Variants in PTPRN2 observed in about 807,000 individuals in gnomAD.
PTPRN2 encodes receptor-type tyrosine-protein phosphatase N2.
In PTPRN2, 74 loss-of-function variants were observed where a neutral mutation model predicts 118.8. That is an observed-to-expected ratio of 0.62 (90% confidence interval 0.52 to 0.76). The LOEUF (loss-of-function observed/expected upper bound fraction) is 0.76. PTPRN2 is among the 30% of genes least tolerant of loss of function. The probability of loss-of-function intolerance (pLI) is 0.00; values close to 1 mark genes in which losing one functional copy is unlikely to be tolerated. For synonymous variants in PTPRN2, 641 were observed against 608.0 expected (o/e 1.05, Z -0.80); for missense variants, 1,481 against 1,394.4 (o/e 1.06, Z -0.99).
At chr7:157,848,150 G>A (rs1809007059) in intron 12 of PTPRN2, among the ~76,000 whole-genome samples, 1 of 147,402 alleles carries the variant, frequency 6.8e-6, no homozygotes, top group Admixed American at 6.7e-5. Flanking sequence ...TGTTTACAGA[G>A]CCCTCTCTCA....
At chr7:157,687,466 T>C (rs1797254418) in intron 12 of PTPRN2, among the ~76,000 whole-genome samples, 1 of 152,238 alleles carries the variant, frequency 6.6e-6, no homozygotes, top group African/African-American at 2.4e-5. Context: ...GGGATACAGG[T>C]GCTCGGTGCC....
At chr7:158,550,874 C>T (rs1049247084) in intron 1 of PTPRN2, among the ~76,000 whole-genome samples, 7 of 152,292 alleles carry the variant, frequency 4.6e-5, no homozygotes, top group African/African-American at 1.2e-4. Context: ...CTCCATCAGG[C>T]GGCCGTCGCG....
intron 4 of PTPRN2, among the ~76,000 whole-genome samples, chr7:158,192,812 T>C (rs1266630325): frequency 6.6e-6 from 1 of 152,158 alleles, no homozygotes; most frequent in Admixed American, 6.5e-5. Context: ...GCTGCAGGTG[T>C]TGGCTGCAGG....
intron 11 of PTPRN2, among the ~76,000 whole-genome samples, chr7:157,909,630 C>T (rs538812143): frequency 7.7e-4 from 118 of 152,362 alleles, no homozygotes; most frequent in Non-Finnish European, 1.3e-3. Context: ...CTGTTTGTTC[C>T]TGACCCTCAA....
intron 1 of PTPRN2, among the ~76,000 whole-genome samples, chr7:158,562,868 A>G (rs73730443): frequency 0.016 from 2,400 of 152,346 alleles, 78 homozygotes; most frequent in African/African-American, 0.055. Context: ...GACAATGTGA[A>G]TTAACTAAAC....
chr7:158,209,071 G>A (rs926986606), intron 3 of PTPRN2, among the ~76,000 whole-genome samples: 3 of 150,918 alleles, frequency 2.0e-5, no homozygotes, highest in African/African-American at 7.3e-5. Context: ...AAAGTAAAAA[G>A]CTAGAAATTA....
At chr7:157,751,006 G>A (rs147114802) in intron 12 of PTPRN2, among the ~76,000 whole-genome samples, 3 of 152,350 alleles carry the variant, frequency 2.0e-5, no homozygotes, top group African/African-American at 4.8e-5. Flanking sequence ...CTACTCGACC[G>A]TGGGCTCTAA....
At chr7:158,407,764 G>A (rs1037355421) in intron 2 of PTPRN2, among the ~76,000 whole-genome samples, 2 of 152,166 alleles carry the variant, frequency 1.3e-5, no homozygotes, top group East Asian at 1.9e-4. Flanking sequence ...AGCAGAGCCC[G>A]GCTGCAGCCC....
intron 11 of PTPRN2, among the ~76,000 whole-genome samples, chr7:157,922,524 CAA>C (rs1239392328): frequency 6.6e-6 from 1 of 152,190 alleles, no homozygotes; most frequent in Non-Finnish European, 1.5e-5. Context: ...GGATGGAAAA[CAA>C]GAGCAAACTT....
chr7:157,864,565 G>A (rs1189362493), intron 12 of PTPRN2: 5 of 152,408 alleles, frequency 3.3e-5, no homozygotes, highest in African/African-American at 1.2e-4. Context: ...CCAAGGTCTG[G>A]GGCCGCCACC....
chr7:157,855,658 G>A (rs1473102236), intron 12 of PTPRN2, among the ~76,000 whole-genome samples: 10 of 152,228 alleles, frequency 6.6e-5, no homozygotes, highest in African/African-American at 1.4e-4. Context: ...ACATCCCGGC[G>A]GGAGCGTTAG....
rs924664086 is a variant in PTPRN2 at position 158,518,845 on chromosome 7, C to T, written c.113-29060G>A. Among the ~76,000 whole-genome samples, 3 of 152,078 alleles carry T rather than the reference C, an allele frequency of 2.0e-5. No individual in the cohort carries two copies. The East Asian group carries it at 5.8e-4, about 29-fold the overall frequency. On this transcript the variant is annotated intron_variant, in intron 1 of 22. Transcript: ENST00000389418. ...ATAAAAAGTACAAAAATTAGCTGGG[C>T]ATGTTGCTGGGTGCCTGTAATCCCA...
At chr7:158,246,687 C>A (rs1158892055) in intron 3 of PTPRN2, among the ~76,000 whole-genome samples, 3 of 151,942 alleles carry the variant, frequency 2.0e-5, no homozygotes, top group Non-Finnish European at 4.4e-5. Context: ...GCTAATTCAA[C>A]CTTACAGAGC....
chr7:158,169,012 G>C (rs113002188), intron 5 of PTPRN2, among the ~76,000 whole-genome samples: 1 of 152,168 alleles, frequency 6.6e-6, no homozygotes, highest in Admixed American at 6.6e-5. Flanking sequence ...AATCCCATCC[G>C]TTCATATTTT....
chr7:157,661,516 G>A (rs1330307833), intron 13 of PTPRN2, among the ~76,000 whole-genome samples: 4 of 152,246 alleles, frequency 2.6e-5, no homozygotes, highest in Non-Finnish European at 5.9e-5. Flanking sequence ...TGAACCCACC[G>A]CTACCAAGTT....
chr7:157,687,140 C>A (rs192499969), intron 12 of PTPRN2, among the ~76,000 whole-genome samples: 1 of 152,092 alleles, frequency 6.6e-6, no homozygotes, highest in East Asian at 1.9e-4. Flanking sequence ...TTATTTTGAC[C>A]GTGCCCCTGA....
chr7:158,396,653 G>A (rs1302281819), intron 2 of PTPRN2, among the ~76,000 whole-genome samples: 1 of 151,098 alleles, frequency 6.6e-6, no homozygotes, highest in African/African-American at 2.4e-5. Context: ...TTCTCACAGG[G>A]TAGGCTTGTG....
chr7:157,953,585 A>G lies in PTPRN2; in HGVS notation c.1724-54848T>C, dbSNP rs1325922331. ...ACATGGCTGGAGGTCCGGTGTCCCT[A>G]AAGACTTCTATGACATCCTGACACT... On this transcript the variant is annotated intron_variant, in intron 11 of 22. Transcript: ENST00000389418. This position sits in a 1 kb window ranked among gnomAD's most constrained non-coding sequence, Gnocchi z 4.6. Among the ~76,000 whole-genome samples the G allele has an allele frequency of 1.3e-5, 2 of 152,042 alleles. No homozygotes were observed. Among genetic ancestry groups the G allele is most frequent in the Admixed American group, 1.3e-4 (2 of 15,278 alleles).
rs1317230169 is a variant in PTPRN2, at chr7:157,929,667, C to G, written c.1724-30930G>C. 1.3e-5 allele frequency among the ~76,000 whole-genome samples: 2 copies of G among 151,880 alleles called. No individual in the cohort carries two copies. Among genetic ancestry groups the G allele is most frequent in the South Asian group, 2.1e-4 (1 of 4,822 alleles). ...AATCCTCTGATCTCCATTCACCAGC[C>G]TCCTCTGTCTCTACTGTAAGACTTC... is the stretch of plus-strand genomic sequence containing the variant. On this transcript the variant is annotated intron_variant, in intron 11 of 22. Transcript: ENST00000389418. This position sits in a 1 kb window ranked among gnomAD's most constrained non-coding sequence, Gnocchi z 4.4.
Sources: allele counts gnomAD v4.1 joint callset (sites outside exome capture counted in the v4.1 genomes callset), GRCh38; gene constraint gnomAD v4.1.1; non-coding constraint Gnocchi (gnomAD v3.1); transcripts MANE v1.5; gene names NCBI Gene and HGNC (gene_info 2026-07-23, HGNC 2026-07-21).